Variants in OXTR observed in about 807,000 individuals in gnomAD.
OXTR encodes the protein oxytocin receptor.
In OXTR, 19 loss-of-function variants were observed where a neutral mutation model predicts 23.9. That is an observed-to-expected ratio of 0.80 (90% CI 0.56 to 1.17). The LOEUF is 1.17. OXTR is among the 50% of genes most tolerant of loss of function. OXTR has a pLI of 0.00. For synonymous variants in OXTR, 278 were observed against 250.5 expected, an observed-to-expected ratio of 1.11 and a Z score of -1.04; for missense variants, 500 against 550.7, an observed-to-expected ratio of 0.91 and a Z score of 0.92.
At position 8,767,482 on chromosome 3, in the gene OXTR, C is replaced by T. The variant is rs1189532457; in HGVS notation, c.706G>A (p.Ala236Thr). 12 of 1,606,368 alleles carry T rather than the reference C, an allele frequency of 7.5e-6. No homozygotes were observed. Among genetic ancestry groups the T allele is most frequent in the Non-Finnish European group, 1.0e-5 (12 of 1,176,546 alleles). The part of the protein sequence containing the change: ...KIWQNLRLKT[A>T]AAAAAEAPEG... Reference sequence around the variant, plus strand: ...GGCGCCTCGGCCGCCGCCGCTGCAGCGGTCTTGAGCCGCAAGTTCTGCCAG... The same window carrying T: ...GGCGCCTCGGCCGCCGCCGCTGCAGTGGTCTTGAGCCGCAAGTTCTGCCAG... Residue 236 changes from alanine (A) to threonine (T), a missense_variant, in exon 3 of 4, where the codon GCT (alanine) becomes ACT (threonine). Ala to Thr is a moderately conservative substitution (Grantham distance 58). Coordinates refer to ENST00000316793, the MANE Select transcript of OXTR (RefSeq NM_000916.4).
At position 8,767,684 on chromosome 3, in the gene OXTR, G is replaced by C. The variant is rs1468623065; in HGVS notation, c.504C>G (p.Ser168Arg). Residue 168 changes from serine (S) to arginine (R), a missense_variant, in exon 3 of 4, where the codon AGC becomes AGG. Coordinates refer to ENST00000316793, the MANE Select transcript of OXTR (RefSeq NM_000916.4). ...GAGAGAAGATGTGCACCTGCGGCGC[G>C]CTGGCCACCAGGCAGCCGAGCCACG... Reference protein sequence around the residue: ...LATWLGCLVASAPQVHIFSLR... With the variant: ...LATWLGCLVARAPQVHIFSLR... 4 of 1,610,134 alleles carry C rather than the reference G, an allele frequency of 2.5e-6. No individual in the cohort carries two copies. The highest frequency in any genetic ancestry group is 3.4e-6 in the Non-Finnish European group (4 of 1,178,394).
chr3:8,756,322 A>G (rs1708374165), intron 3 of OXTR, among the ~76,000 whole-genome samples: 1 of 152,242 alleles, frequency 6.6e-6, no homozygotes, highest in African/African-American at 2.4e-5. Flanking sequence ...AAGTAGCCTT[A>G]TCCTCATTTT....
chr3:8,757,833 C>T (rs1444669214), intron 3 of OXTR, among the ~76,000 whole-genome samples: 3 of 152,204 alleles, frequency 2.0e-5, no homozygotes, highest in African/African-American at 4.8e-5. Flanking sequence ...GACGTCCATC[C>T]TTTCATTCTG....
At chr3:8,759,547 G>T (rs1051312073) in intron 3 of OXTR, among the ~76,000 whole-genome samples, 1 of 152,258 alleles carries the variant, frequency 6.6e-6, no homozygotes, top group Non-Finnish European at 1.5e-5. Flanking sequence ...CTGTCAGTAT[G>T]TTGGAAGGGC....
intron 3 of OXTR, among the ~76,000 whole-genome samples, chr3:8,760,568 G>A (rs1337862555): frequency 1.3e-5 from 2 of 152,172 alleles, no homozygotes; most frequent in African/African-American, 4.8e-5. Flanking sequence ...TTCCTGAAAG[G>A]GGCACTGGAT....
At chr3:8,746,832 T>G (rs1380084987), downstream of OXTR, 1 of 120,168 alleles carries the variant, frequency 8.3e-6, no homozygotes, top group Non-Finnish European at 1.8e-5. Context: ...GCCCTTATCT[T>G]CTTTAGGGCT....
intron 3 of OXTR, among the ~76,000 whole-genome samples, chr3:8,758,099 G>T (rs186159087): frequency 6.6e-6 from 1 of 152,102 alleles, no homozygotes; most frequent in Non-Finnish European, 1.5e-5. Context: ...AACATCCCCT[G>T]CTGGGCAATT....
At chr3:8,765,717 C>T (rs759819168) in intron 3 of OXTR, among the ~76,000 whole-genome samples, 1 of 152,212 alleles carries the variant, frequency 6.6e-6, no homozygotes, top group Non-Finnish European at 1.5e-5. Context: ...CATCATGTGT[C>T]CTTCATAAGA....
At chr3:8,764,110 G>A (rs1262430850) in intron 3 of OXTR, among the ~76,000 whole-genome samples, 1 of 152,194 alleles carries the variant, frequency 6.6e-6, no homozygotes, top group Admixed American at 6.5e-5. Flanking sequence ...GGAAAAGAGA[G>A]AGCAAATGCT....
chr3:8,761,252 C>T (rs561719970), intron 3 of OXTR, among the ~76,000 whole-genome samples: 3 of 152,280 alleles, frequency 2.0e-5, no homozygotes, highest in South Asian at 4.1e-4. Flanking sequence ...AACTGGTGGA[C>T]ACAGGGAGGA....
downstream of OXTR, among the ~76,000 whole-genome samples, chr3:8,748,386 C>T (rs1308622669): frequency 6.6e-6 from 1 of 152,122 alleles, no homozygotes; most frequent in Non-Finnish European, 1.5e-5. Context: ...AGCATCTTCC[C>T]ACAGAACTCT....
At chr3:8,742,486 G>A in the OXTR span, 95 of 456,606 alleles carry the variant, frequency 2.1e-4, no homozygotes, top group South Asian at 1.2e-3. Context: ...GACTCCATCC[G>A]TCTTATCAGC....
intron 3 of OXTR, among the ~76,000 whole-genome samples, chr3:8,762,589 G>T (rs1388000969): frequency 6.6e-6 from 1 of 152,118 alleles, no homozygotes; most frequent in African/African-American, 2.4e-5. Context: ...CACATCACTG[G>T]GTCACCTCAA....
chr3:8,743,176 C>G, the OXTR span, among the ~76,000 whole-genome samples: 1 of 152,118 alleles, frequency 6.6e-6, no homozygotes, highest in East Asian at 1.9e-4. Context: ...CCCACCAGGC[C>G]CCATCTTCAA....
rs1232974551 is a variant in OXTR at position 8,750,567 on chromosome 3, C to T, written c.*2410G>A. 2.6e-5 allele frequency: 4 copies of T among 152,302 alleles called. No individual in the cohort carries two copies. The highest frequency in any genetic ancestry group is 2.9e-5 in the Non-Finnish European group (2 of 68,026). 9.4% of individuals were successfully genotyped at this position (152,302 alleles called of 1,614,324 possible). A position where few individuals can be genotyped will look rare whatever the true frequency, so the allele number is the denominator to read the frequency against. On this transcript the variant is annotated 3_prime_UTR_variant, in exon 4 of 4. Coordinates refer to ENST00000316793, the MANE Select transcript of OXTR (RefSeq NM_000916.4). Reference sequence around the variant, plus strand: ...CTCACAGCCTCCAGGCCCTGGCAAACGCTAATCTATATTCACTCTATATAG... The same window carrying T: ...CTCACAGCCTCCAGGCCCTGGCAAATGCTAATCTATATTCACTCTATATAG...
rs1024090021 is a variant in OXTR, at chr3:8,767,438, G to T, written c.750C>A (p.Gly250=). Residue 250 remains glycine, a synonymous_variant, in exon 3 of 4, where the codon GGC becomes GGA. Coordinates refer to ENST00000316793, the MANE Select transcript of OXTR (RefSeq NM_000916.4). Reference sequence around the variant, plus strand: ...GCGCCAGGGCCACGCGCCCCCCATCGCCAGCCGCCGCGCCCTCTGGCGCCT... The same window carrying T: ...GCGCCAGGGCCACGCGCCCCCCATCTCCAGCCGCCGCGCCCTCTGGCGCCT... ...AAEAPEGAAA[G]DGGRVALARV... The T allele has an allele frequency of 1.9e-6, 3 of 1,603,372 alleles. No homozygotes were observed. In the East Asian group the frequency reaches 6.7e-5, roughly 36 times the overall value.
At chr3:8,745,456 C>T (rs546273544), downstream of OXTR, 39 of 1,223,124 alleles carry the variant, frequency 3.2e-5, no homozygotes, top group African/African-American at 6.0e-5. This position sits in a 1 kb window ranked among gnomAD's most constrained non-coding sequence, Gnocchi z 4.8. Context: ...GACACATGCA[C>T]GCACACACCC....
At chr3:8,754,702 A>C (rs977603347) in intron 3 of OXTR, among the ~76,000 whole-genome samples, 7 of 152,160 alleles carry the variant, frequency 4.6e-5, no homozygotes, top group Non-Finnish European at 1.0e-4. Context: ...CCCCCCTCCC[A>C]GAGCGACACA....
chr3:8,760,473 G>A (rs1370552582), intron 3 of OXTR, among the ~76,000 whole-genome samples: 1 of 152,262 alleles, frequency 6.6e-6, no homozygotes, highest in Non-Finnish European at 1.5e-5. Context: ...ACAGGAGCCT[G>A]CAGAGGCATC....
Sources: gnomAD v4.1 joint callset for allele counts (sites outside exome capture counted in the v4.1 genomes callset) on GRCh38, gnomAD v4.1.1 for gene constraint, Gnocchi (gnomAD v3.1) non-coding constraint, MANE v1.5 for transcripts, NCBI Gene and HGNC (gene_info 2026-07-23, HGNC 2026-07-21) for gene names.